The following ACADS variants were observed in gnomAD, a reference collection of about 807,000 sequenced individuals.
The protein encoded by ACADS is short-chain specific acyl-CoA dehydrogenase, mitochondrial.
ACADS carries 28 observed loss-of-function variants against 46.8 expected under a neutral mutation model. The observed-to-expected ratio is 0.60, with a 90% CI of 0.44 to 0.82. ACADS has a LOEUF of 0.82. ACADS is among the 40% of genes least tolerant of loss of function. ACADS has a pLI of 0.00. For missense variants in ACADS, 528 were observed against 578.0 expected, an observed-to-expected ratio of 0.91 and a Z score of 0.89; for synonymous variants, 236 against 237.7, an observed-to-expected ratio of 0.99 and a Z score of 0.07.
At chr12:120,732,935 G>A (rs1226301149) in intron 2 of ACADS, among the ~76,000 whole-genome samples, 1 of 152,276 alleles carries the variant, frequency 6.6e-6, no homozygotes, top group East Asian at 1.9e-4. Context: ...GGGCAACATT[G>A]AGCACTGAGT....
At chr12:120,730,223 C>T (rs1045081619) in intron 2 of ACADS, among the ~76,000 whole-genome samples, 4 of 152,110 alleles carry the variant, frequency 2.6e-5, no homozygotes, top group South Asian at 2.1e-4. Flanking sequence ...CTTTGTTATC[C>T]GCCCGCCTGG....
Position 120,728,276 on chromosome 12 carries a change from C to T in ACADS, c.210+1087C>T, listed in dbSNP as rs1195756389. 6.6e-6 allele frequency among the ~76,000 whole-genome samples: 1 copy of T among 151,880 alleles called. No homozygotes were observed. The highest frequency in any genetic ancestry group is 6.6e-5 in the Admixed American group (1 of 15,240). On this transcript the variant is annotated intron_variant, in intron 2 of 9. Coordinates refer to ENST00000242592, the MANE Select transcript of ACADS (RefSeq NM_000017.4). The surrounding 1 kb of genome is among the most constrained non-coding windows in gnomAD (Gnocchi z 4.0). ...TGAACTGTTTTCTCCCCTGAGTTTC[C>T]CATCAGCGCGCTCCCTCCCGTGCCA...
intron 3 of ACADS, 44 bp from the exon 4 acceptor site, chr12:120,737,312 C>A: frequency 6.3e-7 from 1 of 1,587,120 alleles, no homozygotes; most frequent in Non-Finnish European, 8.6e-7. Flanking sequence ...GGGCAGGATG[C>A]GCCTGGGCCT....
At chr12:120,732,766 C>T (rs1420381936) in intron 2 of ACADS, among the ~76,000 whole-genome samples, 60 of 151,882 alleles carry the variant, frequency 4.0e-4, no homozygotes, top group East Asian at 3.3e-3. Context: ...GGGCTCCTCA[C>T]ATCCCAGACG....
intron 1 of ACADS, 124 bp from the exon 2 acceptor site, chr12:120,726,902 C>A: frequency 9.1e-7 from 1 of 1,095,986 alleles, no homozygotes; most frequent in Non-Finnish European, 1.4e-6. Context: ...ACAACTAGAA[C>A]TGGCTCCAGA....
At chr12:120,735,793 G>T (rs1180210134) in intron 2 of ACADS, among the ~76,000 whole-genome samples, 1 of 152,004 alleles carries the variant, frequency 6.6e-6, no homozygotes, top group African/African-American at 2.4e-5. Context: ...CAGCTACTCG[G>T]TAGGCTGAGG....
intron 2 of ACADS, 100 bp from the exon 3 acceptor site, chr12:120,736,886 T>G: frequency 2.1e-6 from 3 of 1,437,312 alleles, no homozygotes; most frequent in Non-Finnish European, 2.8e-6. Flanking sequence ...GGCCTGAGTT[T>G]CTGCAGGGCA....
chr12:120,736,737 G>A (rs1271729027), intron 2 of ACADS, among the ~76,000 whole-genome samples: 2 of 152,206 alleles, frequency 1.3e-5, no homozygotes, highest in Non-Finnish European at 2.9e-5. Flanking sequence ...TCGCTGCCGT[G>A]GCTGTGGACG....
Position 120,725,951 on chromosome 12 carries a change from G to T in ACADS, c.46+20G>T. 3 of 1,529,318 alleles carry T rather than the reference G, an allele frequency of 2.0e-6. No homozygotes were observed. The highest frequency in any genetic ancestry group is 2.6e-6 in the Non-Finnish European group (3 of 1,147,062). The allele number at this position is 1,529,318 out of a possible 1,614,324, so 94.7% of individuals were successfully genotyped here. ...GCAGAGGTGAGTGCGCTGGGGATCC[G>T]TACGGCGGGGCTTCAGCCCGCGTCT... is the stretch of plus-strand genomic sequence containing the variant. On this transcript the variant is annotated intron_variant, in intron 1 of 9. Transcript: ENST00000242592.
chr12:120,739,127 C>A lies in ACADS; in HGVS notation c.1030-13C>A. On this transcript the variant is annotated splice_polypyrimidine_tract_variant and intron_variant, in intron 8 of 9. Transcript: ENST00000242592. The stretch of plus-strand genomic sequence containing the variant: ...CCCTCAAGGGAAGGCTCTGACTGTA[C>A]CCCCATGTTTAGGAGGCAGCCATGG... 4 of 1,613,014 alleles carry A rather than the reference C, an allele frequency of 2.5e-6. No homozygotes were observed. The highest frequency in any genetic ancestry group is 3.4e-6 in the Non-Finnish European group (4 of 1,179,980).
chr12:120,731,209 C>T (rs1347869079), intron 2 of ACADS, among the ~76,000 whole-genome samples: 1 of 152,178 alleles, frequency 6.6e-6, no homozygotes, highest in Non-Finnish European at 1.5e-5. Context: ...AGATGATCCT[C>T]CTACCTCCGT....
In ACADS at chr12:120,727,188, A is replaced by G. The variant is rs1458910295; in HGVS notation, c.209A>G (p.Gln70Arg). Residue 70 changes from glutamine to arginine, a missense_variant and splice_region_variant, in exon 2 of 10, where the codon CAG (glutamine) becomes CGG (arginine). Transcript: ENST00000242592. The stretch of plus-strand genomic sequence containing the variant: ...AAGGAACATCTCTTCCCAGCGGCTC[A>G]GGTGAGAGTGCAACCTCAGCAGCCC... ...VDKEHLFPAA[Q>R]VKKMGGLGLL... The G allele has an allele frequency of 6.2e-7, 1 of 1,614,202 alleles. No individual in the cohort carries two copies. The highest frequency in any genetic ancestry group is 8.5e-7 in the Non-Finnish European group (1 of 1,180,036).
At position 120,737,883 on chromosome 12, in the gene ACADS, G is replaced by A. The variant is rs1426211969; in HGVS notation, c.519G>A (p.Glu173=). The A allele has an allele frequency of 6.2e-7, 1 of 1,614,120 alleles. No homozygotes were observed. The highest frequency in any genetic ancestry group is 8.5e-7 in the Non-Finnish European group (1 of 1,179,988). The change falls in exon 5 of 10, where the codon GAG becomes GAA. Residue 173 remains glutamate, a synonymous_variant. Transcript: ENST00000242592. ...CTGCGTCCACCACCGCCCGGGCCGA[G>A]GGCGACTCATGGGTTCTGAATGGAA... ...AGAASTTARA[E]GDSWVLNGTK... is the part of the protein sequence containing the mutation.
intron 2 of ACADS, among the ~76,000 whole-genome samples, chr12:120,736,010 C>T (rs1883425064): frequency 7.6e-6 from 1 of 131,510 alleles, no homozygotes; most frequent in Non-Finnish European, 1.7e-5. Context: ...TGTCCCCGTC[C>T]CTGTCCCTGT....
intron 5 of ACADS, 86 bp downstream of exon 5, chr12:120,738,074 A>T (rs1302789665): frequency 6.3e-7 from 1 of 1,598,464 alleles, no homozygotes; most frequent in African/African-American, 1.3e-5. Flanking sequence ...GCCCGACTGG[A>T]CCTATTTTTG....
intron 2 of ACADS, among the ~76,000 whole-genome samples, chr12:120,734,818 C>A (rs545776667): frequency 4.7e-5 from 7 of 149,532 alleles, no homozygotes; most frequent in African/African-American, 1.7e-4. Flanking sequence ...GTGGCGTGCT[C>A]TCGGTTCACT....
chr12:120,739,323 T>C lies in ACADS; in HGVS notation c.1114T>C (p.Tyr372His). Reference sequence around the variant, plus strand: ...CATCCAGATCCTGGGCGGCATGGGCTACGTGACAGAGATGCCGGCAGAGCG... The same window carrying C: ...CATCCAGATCCTGGGCGGCATGGGCCACGTGACAGAGATGCCGGCAGAGCG... ...QAIQILGGMG[Y>H]VTEMPAERHY... Residue 372 changes from tyrosine (Y) to histidine (H), a missense_variant, in exon 10 of 10, where the codon TAC becomes CAC. Tyr to His is a moderately conservative substitution (Grantham distance 83). Coordinates refer to ENST00000242592, the MANE Select transcript of ACADS (RefSeq NM_000017.4). The C allele has an allele frequency of 6.2e-7, 1 of 1,613,062 alleles. No individual in the cohort carries two copies.
chr12:120,731,786 C>CTT (rs1294873197), intron 2 of ACADS, among the ~76,000 whole-genome samples: 1 of 151,902 alleles, frequency 6.6e-6, no homozygotes, highest in Non-Finnish European at 1.5e-5. Context: ...ACCCTGCGGC[C>CTT]TTCCGCAGTG....
chr12:120,727,493 A>G (rs931926714), intron 2 of ACADS, among the ~76,000 whole-genome samples: 1 of 152,202 alleles, frequency 6.6e-6, no homozygotes, highest in Non-Finnish European at 1.5e-5. Context: ...GAGATGGGTT[A>G]TCTCATCTGT....
Sources: allele counts gnomAD v4.1 joint callset (sites outside exome capture counted in the v4.1 genomes callset), GRCh38; gene constraint gnomAD v4.1.1; non-coding constraint Gnocchi (gnomAD v3.1); transcripts MANE v1.5; gene names NCBI Gene and HGNC (gene_info 2026-07-23, HGNC 2026-07-21).